The following GJA8 variants were observed in gnomAD, a reference collection of about 807,000 sequenced individuals.
GJA8 encodes the protein gap junction protein alpha 8.
A neutral mutation model predicts 15.3 loss-of-function variants in GJA8; 13 were observed. The ratio of observed to expected loss-of-function variants is 0.85; its 90% CI spans 0.55 to 1.35. The LOEUF (loss-of-function observed/expected upper bound fraction) is 1.35, where lower values mean the gene tolerates loss of function less well. Among genes scored for constraint, GJA8 ranks in the 40% most tolerant of loss-of-function variants. The pLI, the probability that GJA8 is intolerant of heterozygous loss-of-function variation, is 0.00. For synonymous variants in GJA8, 304 were observed against 238.7 expected (o/e 1.27, Z -2.52); for missense variants, 607 against 553.3 (o/e 1.10, Z -0.97).
At chr1:147,909,789 G>A (rs1652028486), downstream of GJA8, among the ~76,000 whole-genome samples, 1 of 152,186 alleles carries the variant, frequency 6.6e-6, no homozygotes, top group South Asian at 2.1e-4. Flanking sequence ...GAAAGCAGGG[G>A]CAGCTGCTGC....
At chr1:147,913,307 T>C (rs1652254112), downstream of GJA8, among the ~76,000 whole-genome samples, 1 of 152,198 alleles carries the variant, frequency 6.6e-6, no homozygotes, top group African/African-American at 2.4e-5. Flanking sequence ...TTTCAAATAC[T>C]GCATAGATTG....
At chr1:147,907,270 T>C (rs1469990419) in intron 1 of GJA8, among the ~76,000 whole-genome samples, 1 of 152,216 alleles carries the variant, frequency 6.6e-6, no homozygotes, top group African/African-American at 2.4e-5. Context: ...ATGTCAGGCA[T>C]TGAGTATATA....
chr1:147,909,136 A>G lies in GJA8; in HGVS notation c.1181A>G (p.Gln394Arg). ...CCGCAGTCGGAGAAGGTGTCAAAGCAAGGGCTGCCAGCTGAGAAGACACCT... is the reference window on the plus strand; with the variant it reads ...CCGCAGTCGGAGAAGGTGTCAAAGCGAGGGCTGCCAGCTGAGAAGACACCT... Reference protein sequence around the residue: ...EEPQSEKVSKQGLPAEKTPSL... With the variant: ...EEPQSEKVSKRGLPAEKTPSL... The change falls in exon 2 of 2, where the codon CAA becomes CGA. Residue 394 changes from glutamine to arginine, a missense_variant. Gln to Arg is a conservative substitution (Grantham distance 43). Coordinates refer to ENST00000369235, the MANE Select transcript of GJA8 (RefSeq NM_005267.5). 6.2e-7 allele frequency: 1 copy of G among 1,614,082 alleles called. No homozygotes were observed. The highest frequency in any genetic ancestry group is 1.1e-5 in the South Asian group (1 of 91,074).
At position 147,908,643 on chromosome 1, in the gene GJA8, A is replaced by G; in HGVS notation, c.688A>G (p.Lys230Glu). Residue 230 changes from lysine (K) to glutamate (E), a missense_variant, in exon 2 of 2, where the codon AAG becomes GAG. Transcript: ENST00000369235. ...NVMELGHLGL[K>E]GIRSALKRPV... ...GATGGAGTTGGGCCACCTGGGCCTG[A>G]AGGGGATCCGGTCTGCCTTGAAGAG... 2.5e-6 allele frequency: 4 copies of G among 1,614,112 alleles called. No individual in the cohort carries two copies. The highest frequency in any genetic ancestry group is 2.5e-6 in the Non-Finnish European group (3 of 1,180,004).
chr1:147,914,390 G>A, the GJA8 span, among the ~76,000 whole-genome samples: 1 of 152,188 alleles, frequency 6.6e-6, no homozygotes, highest in African/African-American at 2.4e-5. Context: ...TATTGGGATG[G>A]TGGTCCTGTA....
downstream of GJA8, among the ~76,000 whole-genome samples, chr1:147,911,280 TATTC>T (rs1652137038): frequency 6.6e-6 from 1 of 152,186 alleles, no homozygotes; most frequent in African/African-American, 2.4e-5. Flanking sequence ...CCTTTTAAGA[TATTC>T]ATTCAAGATA....
downstream of GJA8, among the ~76,000 whole-genome samples, chr1:147,911,777 C>A (rs929378184): frequency 2.0e-5 from 3 of 152,148 alleles, no homozygotes; most frequent in African/African-American, 7.2e-5. Context: ...AAGTGTCTAT[C>A]TCAACTAGAG....
downstream of GJA8, among the ~76,000 whole-genome samples, chr1:147,913,839 A>C (rs1305464599): frequency 6.6e-6 from 1 of 152,220 alleles, no homozygotes. Context: ...GCCTGGTTGG[A>C]AGAAAAACTC....
downstream of GJA8, among the ~76,000 whole-genome samples, chr1:147,910,248 G>A (rs1553243308): frequency 1.3e-5 from 2 of 152,208 alleles, no homozygotes. Flanking sequence ...AATGAAATAT[G>A]TGCAAGCCAC....
intron 1 of GJA8, among the ~76,000 whole-genome samples, chr1:147,905,897 CAGG>C (rs782075404): frequency 9.9e-5 from 15 of 152,216 alleles, no homozygotes; most frequent in Non-Finnish European, 1.9e-4. Context: ...GTCACTTTTT[CAGG>C]AGAAGAGAAG....
In GJA8 at chr1:147,908,987, C is replaced by T. The variant is rs200841302; in HGVS notation, c.1032C>T (p.Pro344=). 83 of 1,596,044 alleles carry T rather than the reference C, an allele frequency of 5.2e-5. No individual in the cohort carries two copies. The highest frequency in any genetic ancestry group is 7.1e-5 in the Non-Finnish European group (83 of 1,170,258). The change falls in exon 2 of 2, where the codon CCC becomes CCT. Residue 344 remains proline (P), a synonymous_variant. Transcript: ENST00000369235. ...EGPPAEEGAE[P]EVGEKKEEAE... is the part of the protein sequence containing the mutation. ...CGCCTGCAGAGGAGGGAGCCGAACC[C>T]GAGGTGGGAGAGAAGAAGGAGGAAG...
downstream of GJA8, among the ~76,000 whole-genome samples, chr1:147,913,104 G>A (rs1652243904): frequency 6.6e-6 from 1 of 152,060 alleles, no homozygotes; most frequent in Non-Finnish European, 1.5e-5. Flanking sequence ...ATTCCAAGAT[G>A]CCACTTACCT....
chr1:147,909,164 ACT>A lies in GJA8; in HGVS notation c.1212_1213del (p.Cys405SerfsTer7). The A allele has an allele frequency of 6.2e-7, 1 of 1,613,628 alleles. No individual in the cohort carries two copies. Among genetic ancestry groups the A allele is most frequent in the Non-Finnish European group, 8.5e-7 (1 of 1,179,806 alleles). ...GGCTGCCAGCTGAGAAGACACCTTC[ACT>A]CTGTCCAGAGCTGACAACAGATGAT... ...QGLPAEKTPSLCPELTTDDAR... is the reference protein window; with the variant it reads ...QGLPAEKTPSXCPELTTDDAR... On this transcript the variant is annotated frameshift_variant, in exon 2 of 2. Coordinates refer to ENST00000369235, the MANE Select transcript of GJA8 (RefSeq NM_005267.5). LOFTEE classifies it high-confidence loss of function.
chr1:147,913,792 C>T (rs1038054234), downstream of GJA8, among the ~76,000 whole-genome samples: 37 of 152,154 alleles, frequency 2.4e-4, no homozygotes, highest in Non-Finnish European at 4.7e-4. Flanking sequence ...AAATGATTGC[C>T]CAACCCAGCT....
At chr1:147,910,607 A>AAAG (rs1652077434), downstream of GJA8, among the ~76,000 whole-genome samples, 1 of 152,246 alleles carries the variant, frequency 6.6e-6, no homozygotes, top group South Asian at 2.1e-4. Flanking sequence ...TTCCTGAAGC[A>AAAG]AAGAAGATCC....
At chr1:147,907,010 C>A (rs1470301890) in intron 1 of GJA8, among the ~76,000 whole-genome samples, 1 of 152,090 alleles carries the variant, frequency 6.6e-6, no homozygotes, top group Non-Finnish European at 1.5e-5. Flanking sequence ...CTCAGCCTCC[C>A]AAGTAGCTGG....
intron 1 of GJA8, among the ~76,000 whole-genome samples, chr1:147,903,607 C>A (rs1651686889): frequency 6.6e-6 from 1 of 152,130 alleles, no homozygotes; most frequent in Non-Finnish European, 1.5e-5. Flanking sequence ...ACTAGCTAAG[C>A]CCCCATCTTG....
At chr1:147,906,198 TAGA>T (rs1427890559) in intron 1 of GJA8, among the ~76,000 whole-genome samples, 1 of 152,244 alleles carries the variant, frequency 6.6e-6, no homozygotes, top group Non-Finnish European at 1.5e-5. Context: ...GGGGCATGGC[TAGA>T]AGAAGCCCAG....
At position 147,909,203 on chromosome 1, in the gene GJA8, G is replaced by A. The variant is rs200369834; in HGVS notation, c.1248G>A (p.Leu416=). 2.5e-6 allele frequency: 4 copies of A among 1,595,120 alleles called. No individual in the cohort carries two copies. The highest frequency in any genetic ancestry group is 1.7e-5 in the Admixed American group (1 of 59,376). The change falls in exon 2 of 2, where the codon CTG becomes CTA. Residue 416 remains leucine, a synonymous_variant. Coordinates refer to ENST00000369235, the MANE Select transcript of GJA8 (RefSeq NM_005267.5). The part of the protein sequence containing the change: ...PELTTDDARP[L]SRLSKASSRA... ...TGACAACAGATGATGCCAGACCCCTGAGCAGGCTAAGCAAAGCCAGCAGCC... is the reference window on the plus strand; with the variant it reads ...TGACAACAGATGATGCCAGACCCCTAAGCAGGCTAAGCAAAGCCAGCAGCC...
Sources: allele counts gnomAD v4.1 joint callset (sites outside exome capture counted in the v4.1 genomes callset), GRCh38; gene constraint gnomAD v4.1.1; transcripts MANE v1.5; gene names NCBI Gene and HGNC (gene_info 2026-07-23, HGNC 2026-07-21).